The following PTPN5 variants were observed in gnomAD, a reference collection of about 807,000 sequenced individuals.
PTPN5 encodes protein tyrosine phosphatase non-receptor type 5.
In PTPN5, 29 loss-of-function variants were observed where a neutral mutation model predicts 73.9. That is an observed-to-expected ratio of 0.39 (90% confidence interval 0.29 to 0.54). The LOEUF (loss-of-function observed/expected upper bound fraction) is 0.54. Ranked by LOEUF, PTPN5 falls within the 20% of genes least tolerant of loss-of-function variation. The pLI is 0.65. For missense variants in PTPN5, 652 were observed against 751.4 expected (o/e 0.87, Z 1.55); for synonymous variants, 267 against 304.7 (o/e 0.88, Z 1.29).
At position 18,733,122 on chromosome 11, in the gene PTPN5, C is replaced by T. The variant is rs913356994; in HGVS notation, c.1218+113G>A. ...GCCTCACATCTCCTCATCTTGGCAG[C>T]GGAGTGAACACCGCCGACCTCTTGA... On this transcript the variant is annotated intron_variant, in intron 11 of 14. Transcript: ENST00000358540. This position sits in a 1 kb window ranked among gnomAD's most constrained non-coding sequence, Gnocchi z 4.3. 28 of 1,451,438 alleles carry T rather than the reference C, an allele frequency of 1.9e-5. No individual in the cohort carries two copies. Among genetic ancestry groups the T allele is most frequent in the East Asian group, 9.2e-5 (4 of 43,438 alleles). The allele number at this position is 1,451,438 out of a possible 1,614,324, so 89.9% of individuals were successfully genotyped here.
chr11:18,743,808 A>C (rs1202641976), intron 4 of PTPN5, 198 bp downstream of exon 4: 2 of 619,182 alleles, frequency 3.2e-6, no homozygotes, highest in African/African-American at 1.9e-5. Flanking sequence ...GCAGGGTGTG[A>C]GGTCTCAGAT....
chr11:18,759,136 C>T (rs117184087), intron 3 of PTPN5, among the ~76,000 whole-genome samples: 302 of 152,190 alleles, frequency 2.0e-3, no homozygotes, highest in Non-Finnish European at 2.5e-3. Flanking sequence ...ACGCCCGAGC[C>T]CCAGGCACAG....
chr11:18,746,162 AATATATATATATATATAT>A (rs773490900), intron 3 of PTPN5, among the ~76,000 whole-genome samples: 2 of 67,638 alleles, frequency 3.0e-5, no homozygotes, highest in African/African-American at 8.8e-5. Context: ...TATAAATATA[AATATATATATATATATAT>A]ATATATATAT....
intron 12 of PTPN5, among the ~76,000 whole-genome samples, chr11:18,731,841 T>A (rs907104898): frequency 4.6e-5 from 7 of 152,230 alleles, no homozygotes; most frequent in Non-Finnish European, 7.3e-5. Flanking sequence ...TGGCTGCTCC[T>A]GGATAGGGCA....
chr11:18,749,934 C>T (rs1214340734), intron 3 of PTPN5, among the ~76,000 whole-genome samples: 1 of 152,200 alleles, frequency 6.6e-6, no homozygotes, highest in Non-Finnish European at 1.5e-5. Context: ...GTTAGCTTTT[C>T]TTCCCTTCCC....
chr11:18,740,235 C>T (rs1236378614), intron 8 of PTPN5, among the ~76,000 whole-genome samples: 7 of 151,958 alleles, frequency 4.6e-5, no homozygotes, highest in Non-Finnish European at 7.4e-5. Flanking sequence ...GAACAATGCT[C>T]GGCAGGAGGA....
chr11:18,763,788 C>G (rs56357050), intron 3 of PTPN5, among the ~76,000 whole-genome samples: 36,956 of 151,994 alleles, frequency 0.24, 5,345 homozygotes, highest in South Asian at 0.34. Flanking sequence ...TCCCCCAGGA[C>G]ACTTGTGAGG....
intron 3 of PTPN5, among the ~76,000 whole-genome samples, chr11:18,748,600 G>A (rs1228969668): frequency 6.6e-6 from 1 of 151,670 alleles, no homozygotes; most frequent in Non-Finnish European, 1.5e-5. Context: ...ATAATTTTTG[G>A]GGAGATGCAT....
chr11:18,781,299 G>T (rs1851413255), intron 1 of PTPN5, among the ~76,000 whole-genome samples: 1 of 142,390 alleles, frequency 7.0e-6, no homozygotes, highest in Non-Finnish European at 1.5e-5. Flanking sequence ...TGTAGCCAGA[G>T]ATCAGACTGT....
At chr11:18,732,218 G>T (rs897080192) in intron 12 of PTPN5, among the ~76,000 whole-genome samples, 1 of 152,160 alleles carries the variant, frequency 6.6e-6, no homozygotes, top group Admixed American at 6.5e-5. Context: ...TTCTAAGGAG[G>T]ATCTCAAAGT....
At chr11:18,769,960 C>T (rs978977759) in intron 2 of PTPN5, among the ~76,000 whole-genome samples, 4 of 152,118 alleles carry the variant, frequency 2.6e-5, no homozygotes, top group African/African-American at 9.7e-5. Flanking sequence ...TCCACTTGAT[C>T]ATGTGGCTTC....
chr11:18,781,571 C>T (rs1057149887), intron 1 of PTPN5, among the ~76,000 whole-genome samples: 5 of 152,080 alleles, frequency 3.3e-5, no homozygotes, highest in Admixed American at 6.5e-5. Context: ...CCACCCGCCT[C>T]GGCCTGGTGC....
At chr11:18,777,184 C>T (rs1237390154) in intron 1 of PTPN5, among the ~76,000 whole-genome samples, 3 of 150,690 alleles carry the variant, frequency 2.0e-5, no homozygotes, top group South Asian at 2.1e-4. Flanking sequence ...AAACAAACAA[C>T]ACCATAAAAG....
At chr11:18,753,720 G>A (rs1223726598) in intron 3 of PTPN5, among the ~76,000 whole-genome samples, 1 of 152,192 alleles carries the variant, frequency 6.6e-6, no homozygotes, top group African/African-American at 2.4e-5. Flanking sequence ...GTAAGCCAGT[G>A]TTCTCTCCTG....
intron 2 of PTPN5, among the ~76,000 whole-genome samples, chr11:18,766,761 C>T (rs777503241): frequency 2.0e-5 from 3 of 152,206 alleles, no homozygotes; most frequent in Non-Finnish European, 4.4e-5. Flanking sequence ...TGAAATGCAG[C>T]GTGGGCTCCA....
In PTPN5 at chr11:18,729,619, G is replaced by T; in HGVS notation, c.1490+39C>A. 6.4e-7 allele frequency: 1 copy of T among 1,572,334 alleles called. No homozygotes were observed. Among genetic ancestry groups the T allele is most frequent in the East Asian group, 2.3e-5 (1 of 44,302 alleles). On this transcript the variant is annotated intron_variant, in intron 13 of 14. Coordinates refer to ENST00000358540, the MANE Select transcript of PTPN5 (RefSeq NM_006906.2). This position sits in a 1 kb window ranked among gnomAD's most constrained non-coding sequence, Gnocchi z 5.2. The stretch of plus-strand genomic sequence containing the variant: ...AGGGGCAGGGCAGCCCAGCGGGTGG[G>T]GGGCTGCCCCGCTCCAGTGGCTGGC...
At chr11:18,743,935 G>A (rs1849492652) in intron 4 of PTPN5, 71 bp downstream of exon 4, 1 of 1,497,894 alleles carries the variant, frequency 6.7e-7, no homozygotes, top group Non-Finnish European at 8.9e-7. Context: ...GGCCATCCTG[G>A]GGAGGAAGTG....
chr11:18,743,484 C>T, intron 4 of PTPN5, 55 bp from the exon 5 acceptor site: 3 of 1,515,514 alleles, frequency 2.0e-6, no homozygotes, highest in Non-Finnish European at 2.7e-6. Flanking sequence ...CCCCGTGTTC[C>T]CCCAGCAGAG....
At chr11:18,746,995 A>G (rs1467507390) in intron 3 of PTPN5, among the ~76,000 whole-genome samples, 1 of 152,150 alleles carries the variant, frequency 6.6e-6, no homozygotes, top group African/African-American at 2.4e-5. Context: ...ACATACTTGG[A>G]CCTTGGGCAA....
Sources: gnomAD v4.1 joint callset for allele counts (sites outside exome capture counted in the v4.1 genomes callset) on GRCh38, gnomAD v4.1.1 for gene constraint, Gnocchi (gnomAD v3.1) non-coding constraint, MANE v1.5 for transcripts, NCBI Gene and HGNC (gene_info 2026-07-23, HGNC 2026-07-21) for gene names.